The following RNF212B variants were observed in gnomAD, a reference collection of about 807,000 sequenced individuals.
RNF212B encodes the protein ring finger protein 212B.
RNF212B carries 52 observed loss-of-function variants against 55.5 expected under a neutral mutation model. The observed-to-expected ratio is 0.94, with a 90% CI of 0.75 to 1.18. The LOEUF (loss-of-function observed/expected upper bound fraction) is 1.18. RNF212B is among the 50% of genes most tolerant of loss of function. The pLI, the probability that RNF212B is intolerant of heterozygous loss-of-function variation, is 0.00. For synonymous variants in RNF212B, 99 were observed against 121.4 expected (o/e 0.82, Z 1.21); for missense variants, 289 against 350.4 (o/e 0.82, Z 1.40).
At chr14:23,191,782 G>A (rs935778789) in intron 1 of RNF212B, among the ~76,000 whole-genome samples, 5 of 152,200 alleles carry the variant, frequency 3.3e-5, no homozygotes, top group South Asian at 2.1e-4. Flanking sequence ...ACCTTTGCTT[G>A]TTTCTTCACC....
At chr14:23,250,030 T>A (rs1337059405) in intron 4 of RNF212B, among the ~76,000 whole-genome samples, 5 of 152,170 alleles carry the variant, frequency 3.3e-5, no homozygotes, top group African/African-American at 1.2e-4. Flanking sequence ...CCAATTTCAA[T>A]CACAACTACC....
At chr14:23,190,489 T>C (rs944939187) in intron 1 of RNF212B, among the ~76,000 whole-genome samples, 13 of 152,312 alleles carry the variant, frequency 8.5e-5, no homozygotes, top group African/African-American at 3.1e-4. Context: ...TTCTCATATA[T>C]CCTACATTTG....
At chr14:23,214,048 A>G (rs1248484168) in intron 2 of RNF212B, among the ~76,000 whole-genome samples, 1 of 152,216 alleles carries the variant, frequency 6.6e-6, no homozygotes, top group Non-Finnish European at 1.5e-5. Flanking sequence ...ACTTGAGCCC[A>G]GGAGTTCGAG....
At chr14:23,270,037 A>G in intron 13 of RNF212B, 77 bp downstream of exon 13, 1 of 862,268 alleles carries the variant, frequency 1.2e-6, no homozygotes, top group Admixed American at 2.1e-5. Flanking sequence ...TTTCAAGATG[A>G]CAAGATGTTG....
intron 1 of RNF212B, among the ~76,000 whole-genome samples, 42 bp downstream of exon 1, chr14:23,238,097 G>A (rs564583022): frequency 6.6e-5 from 10 of 152,162 alleles, no homozygotes; most frequent in Non-Finnish European, 1.3e-4. Context: ...AGCTTGAGAC[G>A]GCTGAGGCCC....
chr14:23,251,418 T>C (rs899293309), intron 4 of RNF212B, among the ~76,000 whole-genome samples: 1 of 152,212 alleles, frequency 6.6e-6, no homozygotes, highest in Non-Finnish European at 1.5e-5. Context: ...ACTTGAGGAT[T>C]CCCATGAACT....
chr14:23,195,095 T>C (rs1324759369), intron 2 of RNF212B, among the ~76,000 whole-genome samples: 1 of 151,924 alleles, frequency 6.6e-6, no homozygotes, highest in Non-Finnish European at 1.5e-5. Context: ...ATAATAATAA[T>C]GGAAATGAAA....
chr14:23,209,001 G>A (rs77051883), intron 2 of RNF212B, among the ~76,000 whole-genome samples: 28 of 152,054 alleles, frequency 1.8e-4, no homozygotes, highest in South Asian at 1.5e-3. Context: ...CTCGTGATCC[G>A]CCCGCCTTGG....
At chr14:23,208,758 T>G (rs376184675) in intron 2 of RNF212B, among the ~76,000 whole-genome samples, 2 of 10,090 alleles carry the variant, frequency 2.0e-4, no homozygotes, top group Non-Finnish European at 3.4e-4. Flanking sequence ...CTGGTTGCCG[T>G]TTTTTTTTTT....
chr14:23,257,068 G>C (rs1025418806), intron 4 of RNF212B, among the ~76,000 whole-genome samples: 8 of 152,112 alleles, frequency 5.3e-5, no homozygotes, highest in Non-Finnish European at 1.2e-4. Context: ...CAGGAGAATC[G>C]CTTGAACGTG....
intron 4 of RNF212B, among the ~76,000 whole-genome samples, chr14:23,251,271 A>C (rs1432268649): frequency 6.6e-6 from 1 of 152,138 alleles, no homozygotes; most frequent in Non-Finnish European, 1.5e-5. Flanking sequence ...ATTCAATTCA[A>C]TTCTAACACT....
intron 7 of RNF212B, among the ~76,000 whole-genome samples, chr14:23,261,617 C>T (rs1000404372): frequency 6.6e-6 from 1 of 152,028 alleles, no homozygotes; most frequent in Non-Finnish European, 1.5e-5. Flanking sequence ...GGATATATAC[C>T]ACCGGTCCTT....
chr14:23,201,405 TTAACA>T (rs1301410903), intron 2 of RNF212B, among the ~76,000 whole-genome samples: 2 of 152,208 alleles, frequency 1.3e-5, no homozygotes, highest in Non-Finnish European at 1.5e-5. Context: ...TAATTTTAAC[TTAACA>T]TAACAATTAT....
At chr14:23,262,000 A>ACT (rs986439092) in intron 7 of RNF212B, among the ~76,000 whole-genome samples, 1 of 150,960 alleles carries the variant, frequency 6.6e-6, no homozygotes, top group African/African-American at 2.4e-5. Context: ...ACAAAACAAA[A>ACT]CTCTCTCTAT....
At chr14:23,246,597 AAAAC>A (rs1297211890) in intron 4 of RNF212B, among the ~76,000 whole-genome samples, 1 of 152,174 alleles carries the variant, frequency 6.6e-6, no homozygotes, top group Non-Finnish European at 1.5e-5. Context: ...ACTTTAAAAA[AAAAC>A]AAACAAAAAA....
chr14:23,269,042 C>T (rs1350124768), intron 12 of RNF212B, 79 bp downstream of exon 12: 7 of 1,194,238 alleles, frequency 5.9e-6, no homozygotes, highest in South Asian at 4.0e-5. Flanking sequence ...CGGTGGCTCA[C>T]GCCTGTAATC....
At position 23,269,932 on chromosome 14, in the gene RNF212B, C is replaced by T. The variant is rs1885955062; in HGVS notation, c.744C>T (p.His248=). Residue 248 remains histidine (H), a synonymous_variant, in exon 13 of 15, where the codon CAC becomes CAT. Coordinates refer to ENST00000430154, the MANE Select transcript of RNF212B (RefSeq NM_001282322.3). ...FRPSPNGHSG[H]TRVLTPNNFA... Reference sequence around the variant, plus strand: ...CATCCCCAAATGGGCATTCAGGCCACACAAGAGTCCTCACCCCCAACAATT... The same window carrying T: ...CATCCCCAAATGGGCATTCAGGCCATACAAGAGTCCTCACCCCCAACAATT... 1 of 1,547,746 alleles carries T rather than the reference C, an allele frequency of 6.5e-7. No homozygotes were observed. Among genetic ancestry groups the T allele is most frequent in the African/African-American group, 1.4e-5 (1 of 73,082 alleles).
intron 1 of RNF212B, among the ~76,000 whole-genome samples, chr14:23,239,216 C>T (rs1459680507): frequency 4.6e-5 from 7 of 152,114 alleles, no homozygotes; most frequent in Admixed American, 2.0e-4. Context: ...CACCACCACA[C>T]CCAGCTAATT....
rs1160221876 is a variant in RNF212B, at chr14:23,210,776, C to CAAAAAAAAAAAAAAAAA, written c.-2+17378_-2+17394dup. On this transcript the variant is annotated intron_variant, in intron 2 of 15. Coordinates refer to the RNF212B transcript ENST00000399910. The stretch of plus-strand genomic sequence containing the variant: ...CAGGTGACAGTGTGAGACTCTGTCT[C>CAAAAAAAAAAAAAAAAA]AAAAAAAAAAAAAAAAAAAGAAATG... 2.0e-4 allele frequency among the ~76,000 whole-genome samples: 12 copies of CAAAAAAAAAAAAAAAAA among 60,840 alleles called. 1 individual carries two copies. Among genetic ancestry groups the CAAAAAAAAAAAAAAAAA allele is most frequent in the East Asian group, 5.2e-4 (1 of 1,926 alleles). The allele number at this position is 60,840 out of a possible 152,430, so 39.9% of individuals were successfully genotyped here.
Sources: allele counts gnomAD v4.1 joint callset (sites outside exome capture counted in the v4.1 genomes callset), GRCh38; gene constraint gnomAD v4.1.1; transcripts MANE v1.5; gene names NCBI Gene and HGNC (gene_info 2026-07-23, HGNC 2026-07-21).